HELZ: variants seen among roughly 807,000 people sequenced by gnomAD.
HELZ encodes helicase with zinc finger.
A neutral mutation model predicts 218.2 loss-of-function variants in HELZ; 23 were observed. That is an observed-to-expected ratio of 0.11 (90% confidence interval 0.08 to 0.15). The LOEUF is 0.15. Among genes scored for constraint, HELZ ranks in the 10% least tolerant of loss-of-function variants. The pLI is 1.00. For missense variants in HELZ, 1,813 were observed against 2,353.7 expected, an observed-to-expected ratio of 0.77 and a Z score of 4.75; for synonymous variants, 814 against 829.4, an observed-to-expected ratio of 0.98 and a Z score of 0.32.
At position 67,086,853 on chromosome 17, in the gene HELZ, T is replaced by C; in HGVS notation, c.5470A>G (p.Thr1824Ala). 1 of 1,613,600 alleles carries C rather than the reference T, an allele frequency of 6.2e-7. No individual in the cohort carries two copies. ...CCTATCAACTCTCTGGGCTGAGCTG[T>C]CCTGCTGGATCCATTGCACGGAATG... is the stretch of plus-strand genomic sequence containing the variant. ...QNIPCNGSSR[T>A]AQPRELIAPP... Residue 1824 changes from threonine (T) to alanine (A), a missense_variant, in exon 32 of 33, where the codon ACA becomes GCA. Physicochemically the swap from Thr to Ala is moderately conservative, Grantham distance 58. Around this residue, in one of 4 missense-constraint regions of HELZ, gnomAD observed 938 missense variants for 1,027.5 expected, o/e 0.91. Coordinates refer to ENST00000358691, the MANE Select transcript of HELZ (RefSeq NM_014877.4).
At chr17:67,135,026 A>G (rs544629195) in intron 23 of HELZ, among the ~76,000 whole-genome samples, 1 of 152,028 alleles carries the variant, frequency 6.6e-6, no homozygotes, top group Non-Finnish European at 1.5e-5. Flanking sequence ...CAAAAGGCCA[A>G]ATCTTCTATT....
intron 31 of HELZ, among the ~76,000 whole-genome samples, chr17:67,089,694 G>GAGAGAGAGAGAGACAGAGAGAC (rs776184027): frequency 5.0e-5 from 5 of 100,730 alleles, no homozygotes; most frequent in African/African-American, 1.2e-4. Flanking sequence ...GAGAGAGAGA[G>GAGAGAGAGAGAGACAGAGAGAC]AGAGAGACAG....
chr17:67,102,635 C>T (rs1220533269), intron 31 of HELZ, among the ~76,000 whole-genome samples: 1 of 152,150 alleles, frequency 6.6e-6, no homozygotes, highest in Admixed American at 6.5e-5. Context: ...AAACAGCAAG[C>T]ACATCAATCA....
At chr17:67,193,882 A>G (rs2039960675) in intron 9 of HELZ, 85 bp downstream of exon 9, 1 of 954,148 alleles carries the variant, frequency 1.0e-6, no homozygotes, top group Non-Finnish European at 1.6e-6. Flanking sequence ...TTGAAAATAA[A>G]CCATTTTACT....
At chr17:67,093,550 G>C (rs2036637094) in intron 31 of HELZ, among the ~76,000 whole-genome samples, 1 of 152,222 alleles carries the variant, frequency 6.6e-6, no homozygotes, top group African/African-American at 2.4e-5. Flanking sequence ...TTCTGTGTCT[G>C]TACTGTTCCA....
At chr17:67,158,670 C>T (rs1218098610) in intron 17 of HELZ, among the ~76,000 whole-genome samples, 1 of 151,924 alleles carries the variant, frequency 6.6e-6, no homozygotes, top group African/African-American at 2.4e-5. Context: ...TGGGCTGAAC[C>T]ACTTTCGAGA....
chr17:67,214,041 CT>C (rs1185564994), intron 5 of HELZ, among the ~76,000 whole-genome samples: 1 of 152,100 alleles, frequency 6.6e-6, no homozygotes, highest in Non-Finnish European at 1.5e-5. Context: ...ACAATAACTT[CT>C]TCAGATGGGG....
intron 12 of HELZ, among the ~76,000 whole-genome samples, chr17:67,187,257 T>A (rs2039780639): frequency 6.6e-6 from 1 of 152,060 alleles, no homozygotes. Context: ...TACTACAGAA[T>A]AAAAACAAGT....
At position 67,191,459 on chromosome 17, in the gene HELZ, A is replaced by AT. The variant is rs1221812604; in HGVS notation, c.558-1105dup. ...CAGATAAAAATAAAATACTTTGATA[A>AT]TTTTTTTTTTTGGAGATAGTCTCGC... On this transcript the variant is annotated intron_variant, in intron 9 of 32. Coordinates refer to ENST00000358691, the MANE Select transcript of HELZ (RefSeq NM_014877.4). 6.2e-3 allele frequency among the ~76,000 whole-genome samples: 924 copies of AT among 148,678 alleles called. 10 individuals carry two copies. The highest frequency in any genetic ancestry group is 0.021 in the African/African-American group (860 of 40,822).
intron 27 of HELZ, 47 bp from the exon 28 acceptor site, chr17:67,114,450 G>T: frequency 9.2e-7 from 1 of 1,092,122 alleles, no homozygotes; most frequent in South Asian, 1.3e-5. Flanking sequence ...CAGTGGATAT[G>T]ACACTTCCAA....
chr17:67,172,755 A>ACCAT (rs2039349189), intron 13 of HELZ, among the ~76,000 whole-genome samples: 1 of 152,100 alleles, frequency 6.6e-6, no homozygotes. Context: ...ACAGGTGCAC[A>ACCAT]CCATCACGCC....
At chr17:67,233,761 CT>C (rs1254940137) in intron 3 of HELZ, among the ~76,000 whole-genome samples, 5 of 151,942 alleles carry the variant, frequency 3.3e-5, no homozygotes, top group Non-Finnish European at 7.4e-5. Flanking sequence ...CTTCCCTATT[CT>C]TTTTTTTCTT....
chr17:67,152,009 A>G (rs945795863), intron 17 of HELZ, among the ~76,000 whole-genome samples: 2 of 152,190 alleles, frequency 1.3e-5, no homozygotes, highest in African/African-American at 4.8e-5. Flanking sequence ...GTTTGATGAA[A>G]AGCCAACAGA....
chr17:67,126,930 G>C (rs985989640), intron 24 of HELZ, among the ~76,000 whole-genome samples: 1 of 152,098 alleles, frequency 6.6e-6, no homozygotes, highest in African/African-American at 2.4e-5. Context: ...CATGTCCCCT[G>C]TTCTCTTATA....
intron 28 of HELZ, among the ~76,000 whole-genome samples, chr17:67,110,473 T>TA (rs1335550799): frequency 2.0e-5 from 3 of 152,356 alleles, no homozygotes. Flanking sequence ...AAACAAGTAC[T>TA]ATATCACCTT....
Position 67,100,642 on chromosome 17 carries a change from G to A in HELZ, c.5241+6527C>T, listed in dbSNP as rs186737849. ...ATAATCGTTTTGAGAATTTGTCCCTGAAGATAAAATGACTGAAAAGTATAA... is the reference window on the plus strand; with the variant it reads ...ATAATCGTTTTGAGAATTTGTCCCTAAAGATAAAATGACTGAAAAGTATAA... On this transcript the variant is annotated intron_variant, in intron 31 of 32. Transcript: ENST00000358691. 1.9e-3 allele frequency among the ~76,000 whole-genome samples: 288 copies of A among 152,028 alleles called. 2 individuals carry two copies. The highest frequency in any genetic ancestry group is 2.8e-3 in the Admixed American group (42 of 15,268).
intron 7 of HELZ, among the ~76,000 whole-genome samples, chr17:67,198,036 T>C (rs2040075919): frequency 6.6e-6 from 1 of 152,202 alleles, no homozygotes; most frequent in South Asian, 2.1e-4. Flanking sequence ...TGTGCCACTG[T>C]CACAAACTAG....
chr17:67,154,222 G>C (rs1000339325), intron 17 of HELZ, among the ~76,000 whole-genome samples: 2 of 152,338 alleles, frequency 1.3e-5, no homozygotes, highest in South Asian at 4.1e-4. Flanking sequence ...GAGGCCAGGA[G>C]TTCAAGACCA....
At chr17:67,150,130 CTTTTT>C (rs11408678) in intron 18 of HELZ, 145 bp from the exon 19 acceptor site, 335 of 179,650 alleles carry the variant, frequency 1.9e-3, no homozygotes, top group Middle Eastern at 7.1e-3. Flanking sequence ...TATTTTCTTT[CTTTTT>C]TTTTTTTTTT....
Sources: gnomAD v4.1 joint callset for allele counts (sites outside exome capture counted in the v4.1 genomes callset) on GRCh38, gnomAD v4.1.1 for gene constraint, gnomAD v4.1.1 regional missense constraint, MANE v1.5 for transcripts, NCBI Gene and HGNC (gene_info 2026-07-23, HGNC 2026-07-21) for gene names.